FHOD3: variants seen among roughly 807,000 people sequenced by gnomAD.
FHOD3 encodes formin homology 2 domain containing 3.
FHOD3 carries 90 observed loss-of-function variants against 173.0 expected under a neutral mutation model. The ratio of observed to expected loss-of-function variants is 0.52; its 90% CI spans 0.44 to 0.62. The LOEUF is 0.62. Ranked by LOEUF, FHOD3 falls within the 20% of genes least tolerant of loss-of-function variation. FHOD3 has a pLI of 0.00. For synonymous variants in FHOD3, 828 were observed against 823.0 expected (o/e 1.01, Z -0.10); for missense variants, 1,945 against 2,034.7 (o/e 0.96, Z 0.85).
At chr18:36,671,953 G>T (rs1219187437) in intron 14 of FHOD3, among the ~76,000 whole-genome samples, 1 of 152,206 alleles carries the variant, frequency 6.6e-6, no homozygotes, top group Non-Finnish European at 1.5e-5. Flanking sequence ...GAAATAAAGA[G>T]CAGTGTCCAC....
At chr18:36,423,748 C>A (rs771393467) in intron 3 of FHOD3, among the ~76,000 whole-genome samples, 1 of 152,122 alleles carries the variant, frequency 6.6e-6, no homozygotes, top group African/African-American at 2.4e-5. Flanking sequence ...GCAACTGATA[C>A]GTGGGTTTTT....
At chr18:36,724,937 C>G (rs1050275411) in intron 19 of FHOD3, among the ~76,000 whole-genome samples, 5 of 152,206 alleles carry the variant, frequency 3.3e-5, no homozygotes, top group Admixed American at 6.5e-5. Context: ...CCAGGCTTCT[C>G]CCTACACCCT....
At chr18:36,552,568 G>A (rs1358413913) in intron 5 of FHOD3, among the ~76,000 whole-genome samples, 14 of 149,614 alleles carry the variant, frequency 9.4e-5, no homozygotes, top group African/African-American at 3.5e-4. Context: ...GCGCGATCTC[G>A]GCTCACTGCA....
In FHOD3 at chr18:36,625,824, TC is replaced by T. The variant is rs1394545736; in HGVS notation, c.1196+79del. 5 of 1,280,746 alleles carry T rather than the reference TC, an allele frequency of 3.9e-6. No individual in the cohort carries two copies. In the Admixed American group the frequency reaches 6.6e-5, roughly 17 times the overall value. The allele number at this position is 1,280,746 out of a possible 1,614,324, so 79.3% of individuals were successfully genotyped here. ...GAGAGCCCACAGGTGCCTGCCACTC[TC>T]CCCTCCCTGCTGGCCACTTTGTCCC... On this transcript the variant is annotated intron_variant, in intron 10 of 28. Transcript: ENST00000590592.
chr18:36,498,478 A>G (rs1183430664), intron 3 of FHOD3, among the ~76,000 whole-genome samples: 1 of 152,224 alleles, frequency 6.6e-6, no homozygotes, highest in Non-Finnish European at 1.5e-5. Context: ...AATACCAGGT[A>G]TAAAAGGACA....
At chr18:36,360,571 A>G (rs1338792691) in intron 2 of FHOD3, among the ~76,000 whole-genome samples, 1 of 152,190 alleles carries the variant, frequency 6.6e-6, no homozygotes, top group Non-Finnish European at 1.5e-5. Flanking sequence ...TCCCATCTGC[A>G]GGGGTACATG....
chr18:36,609,911 C>T (rs1025163657), intron 8 of FHOD3, among the ~76,000 whole-genome samples: 1 of 152,116 alleles, frequency 6.6e-6, no homozygotes, highest in Non-Finnish European at 1.5e-5. Context: ...TGTGCCTGGC[C>T]CCTGCTTACT....
intron 6 of FHOD3, among the ~76,000 whole-genome samples, chr18:36,582,979 A>G (rs1406968593): frequency 6.6e-6 from 1 of 152,210 alleles, no homozygotes; most frequent in African/African-American, 2.4e-5. Flanking sequence ...CCAGAGTTCC[A>G]GCCTCAAGAT....
intron 3 of FHOD3, among the ~76,000 whole-genome samples, chr18:36,412,441 A>G (rs1439395589): frequency 6.6e-6 from 1 of 152,242 alleles, no homozygotes; most frequent in African/African-American, 2.4e-5. Flanking sequence ...TGTTGCTGCA[A>G]TGCATATAAT....
intron 3 of FHOD3, among the ~76,000 whole-genome samples, chr18:36,472,902 C>T (rs1305995447): frequency 6.6e-6 from 1 of 152,158 alleles, no homozygotes; most frequent in African/African-American, 2.4e-5. Context: ...GAATTTGAAC[C>T]ACTGTGCTGT....
chr18:36,402,717 C>T (rs1010338953), intron 3 of FHOD3, among the ~76,000 whole-genome samples: 19 of 152,118 alleles, frequency 1.2e-4, no homozygotes, highest in Non-Finnish European at 2.4e-4. Flanking sequence ...CCTTTCCCTT[C>T]CCTTATGTCA....
At chr18:36,310,179 G>T (rs907575853) in intron 1 of FHOD3, among the ~76,000 whole-genome samples, 3 of 152,214 alleles carry the variant, frequency 2.0e-5, no homozygotes, top group African/African-American at 7.2e-5. Flanking sequence ...ACAAGTTGGT[G>T]CTTAGTTTTA....
At chr18:36,307,471 CG>C (rs2092133342) in intron 1 of FHOD3, among the ~76,000 whole-genome samples, 1 of 152,176 alleles carries the variant, frequency 6.6e-6, no homozygotes, top group Admixed American at 6.5e-5. Context: ...ATAGTGTCTA[CG>C]GGGGCTGCTG....
intron 1 of FHOD3, among the ~76,000 whole-genome samples, chr18:36,340,668 GCT>G (rs2045566055): frequency 1.4e-5 from 2 of 144,274 alleles, no homozygotes; most frequent in Non-Finnish European, 3.0e-5. Context: ...ACAGAATCTT[GCT>G]CTGTCACCCA....
At chr18:36,411,876 A>G (rs2049368562) in intron 3 of FHOD3, among the ~76,000 whole-genome samples, 1 of 152,210 alleles carries the variant, frequency 6.6e-6, no homozygotes. Flanking sequence ...TGACCTGCCC[A>G]CTGGCTTTTT....
Position 36,681,547 on chromosome 18 carries a change from G to T in FHOD3, c.1947G>T (p.Glu649Asp), listed in dbSNP as rs772079874. ...GAGAAGAAAGGTTGCAGAGAATAGA[G>T]CGGGAAGAAAGAAACAAATTCAGGT... is the stretch of plus-strand genomic sequence containing the variant. ...QEREERLQRI[E>D]REERNKFSRD... Residue 649 changes from glutamate (E) to aspartate (D), a missense_variant, in exon 15 of 29, where the codon GAG (glutamate) becomes GAT (aspartate). Coordinates refer to ENST00000590592, the MANE Select transcript of FHOD3 (RefSeq NM_001281740.3). 1.3e-5 allele frequency: 21 copies of T among 1,613,664 alleles called. No homozygotes were observed. Among genetic ancestry groups the T allele is most frequent in the Non-Finnish European group, 1.8e-5 (21 of 1,179,866 alleles).
Position 36,385,663 on chromosome 18 carries a change from A to G in FHOD3, c.337+12919A>G, listed in dbSNP as rs151157957. Among the ~76,000 whole-genome samples the G allele has an allele frequency of 4.4e-3, 666 of 152,240 alleles. 6 individuals carry two copies. The highest frequency in any genetic ancestry group is 0.015 in the African/African-American group (641 of 41,534). On this transcript the variant is annotated intron_variant, in intron 3 of 28. Transcript: ENST00000590592. ...GTGATCCGCCTGCCTTGCCTCCCAA[A>G]GTGCTGGGATTACAGGCGTGAGCCA...
intron 16 of FHOD3, among the ~76,000 whole-genome samples, chr18:36,688,598 C>T (rs1163192083): frequency 1.3e-5 from 2 of 152,188 alleles, no homozygotes; most frequent in Admixed American, 6.5e-5. Flanking sequence ...GAGGGCATCA[C>T]ATATACTTTC....
intron 18 of FHOD3, among the ~76,000 whole-genome samples, chr18:36,717,082 G>A (rs907824585): frequency 1.3e-5 from 2 of 152,092 alleles, no homozygotes; most frequent in Admixed American, 1.3e-4. Flanking sequence ...TGTTTATGAG[G>A]CAGTTGCAGG....
Sources: allele counts gnomAD v4.1 joint callset (sites outside exome capture counted in the v4.1 genomes callset), GRCh38; gene constraint gnomAD v4.1.1; transcripts MANE v1.5; gene names NCBI Gene and HGNC (gene_info 2026-07-23, HGNC 2026-07-21).